Variants in SATB1 observed in about 807,000 individuals in gnomAD.
SATB1 encodes the protein SATB homeobox 1, also known as DNA-binding protein SATB1.
A neutral mutation model predicts 86.9 loss-of-function variants in SATB1; 11 were observed. The ratio of observed to expected loss-of-function variants is 0.13; its 90% CI spans 0.08 to 0.21. SATB1 has a LOEUF of 0.21. Among genes scored for constraint, SATB1 ranks in the 10% least tolerant of loss-of-function variants. The pLI is 1.00. For synonymous variants in SATB1, 357 were observed against 357.2 expected (o/e 1.00, Z 0.01); for missense variants, 551 against 937.6 (o/e 0.59, Z 5.39).
At position 18,352,422 on chromosome 3, in the gene SATB1, A is replaced by G; in HGVS notation, c.1576-227T>C. ...TTCAGATTTGCATCTCAAAGGAGGG[A>G]CATATTTTTTCAGACTCTGAGGGTA... On this transcript the variant is annotated intron_variant, in intron 9 of 10. Transcript: ENST00000338745. The surrounding 1 kb of genome is among the most constrained non-coding windows in gnomAD (Gnocchi z 4.1). 1 of 505,206 alleles carries G rather than the reference A, an allele frequency of 2.0e-6. No homozygotes were observed. Among genetic ancestry groups the G allele is most frequent in the South Asian group, 2.5e-5 (1 of 39,520 alleles). The allele number at this position is 505,206 out of a possible 1,614,324, so 31.3% of individuals were successfully genotyped here.
intron 8 of SATB1, among the ~76,000 whole-genome samples, chr3:18,380,912 T>C (rs1696021982): frequency 1.3e-5 from 2 of 152,228 alleles, no homozygotes; most frequent in African/African-American, 4.8e-5. Context: ...TTTAATATTA[T>C]ATCACACATT....
In SATB1 at chr3:18,352,056, T is replaced by C; in HGVS notation, c.1715A>G (p.Asn572Ser). 6.2e-7 allele frequency: 1 copy of C among 1,614,220 alleles called. No individual in the cohort carries two copies. Among genetic ancestry groups the C allele is most frequent in the East Asian group, 2.2e-5 (1 of 44,878 alleles). Residue 572 changes from asparagine to serine, a missense_variant, in exon 10 of 11, where the codon AAC (asparagine) becomes AGC (serine). Physicochemically the swap from Asn to Ser is conservative, Grantham distance 46. Coordinates refer to ENST00000338745, the MANE Select transcript of SATB1 (RefSeq NM_002971.6). This position sits in a 1 kb window ranked among gnomAD's most constrained non-coding sequence, Gnocchi z 4.1. ...CCTGTCGCCATGGTGATGCACCGCG[T>C]TGCTCTCCTGTTCATAAATGGCATC... is the stretch of plus-strand genomic sequence containing the variant. ...ERDAIYEQES[N>S]AVHHHGDRPP...
At position 18,365,429 on chromosome 3, in the gene SATB1, C is replaced by T. The variant is rs995273988; in HGVS notation, c.1575+12741G>A. Among the ~76,000 whole-genome samples the T allele has an allele frequency of 3.4e-5, 5 of 146,622 alleles. No individual in the cohort carries two copies. The South Asian group carries it at 1.1e-3, about 34-fold the overall frequency. On this transcript the variant is annotated intron_variant, in intron 9 of 10. Transcript: ENST00000338745. ...GGCAGGATACAGAATGGAAGAGTGG[C>T]ACAAGCATTGGATGTGCGGGTGGGT...
At chr3:18,395,640 T>C (rs911418068) in intron 6 of SATB1, among the ~76,000 whole-genome samples, 7 of 152,318 alleles carry the variant, frequency 4.6e-5, no homozygotes, top group East Asian at 1.9e-4. Flanking sequence ...GCATACCCAG[T>C]GTTGCTAAGA....
rs1408541379 is a variant in SATB1 at position 18,346,577 on chromosome 3, C to CG, written c.*2592_*2593insC. On this transcript the variant is annotated 3_prime_UTR_variant, in exon 11 of 11. Coordinates refer to ENST00000338745, the MANE Select transcript of SATB1 (RefSeq NM_002971.6). ...CATCCTATCAGTTTATTAACATGTG[C>CG]TTGTGTGTGTGTGTGTGTGTGTGTG... 8 of 91,542 alleles carry CG rather than the reference C, an allele frequency of 8.7e-5. No homozygotes were observed. The highest frequency in any genetic ancestry group is 2.9e-4 in the African/African-American group (8 of 27,434). 5.7% of individuals were successfully genotyped at this position (91,542 alleles called of 1,614,324 possible). A position where few individuals can be genotyped will look rare whatever the true frequency, so the allele number is the denominator to read the frequency against.
At chr3:18,383,623 A>T (rs1453366297) in intron 8 of SATB1, among the ~76,000 whole-genome samples, 1 of 152,206 alleles carries the variant, frequency 6.6e-6, no homozygotes, top group Non-Finnish European at 1.5e-5. Flanking sequence ...TGTAAAATTT[A>T]AAAAGACAAA....
chr3:18,363,544 A>G (rs1695026251), intron 9 of SATB1, among the ~76,000 whole-genome samples: 3 of 152,170 alleles, frequency 2.0e-5, no homozygotes, highest in African/African-American at 7.2e-5. Context: ...AGCTCAGAGA[A>G]GGCTCCAGGG....
Position 18,386,318 on chromosome 3 carries a change from T to C in SATB1, c.1419+81A>G, listed in dbSNP as rs574736104. ...ACATATAAATCTATGTATCTATCTATCTAATTTCTTATTGAGATTCTTCCT... is the reference window on the plus strand; with the variant it reads ...ACATATAAATCTATGTATCTATCTACCTAATTTCTTATTGAGATTCTTCCT... On this transcript the variant is annotated intron_variant, in intron 8 of 10. Coordinates refer to ENST00000338745, the MANE Select transcript of SATB1 (RefSeq NM_002971.6). This position sits in a 1 kb window ranked among gnomAD's most constrained non-coding sequence, Gnocchi z 4.5. 288 of 1,056,200 alleles carry C rather than the reference T, an allele frequency of 2.7e-4. 1 individual carries two copies. Among genetic ancestry groups the C allele is most frequent in the Middle Eastern group, 1.9e-3 (6 of 3,192 alleles). The allele number at this position is 1,056,200 out of a possible 1,614,324, so 65.4% of individuals were successfully genotyped here.
chr3:18,439,011 A>G (rs1041784497), upstream of SATB1, among the ~76,000 whole-genome samples: 5 of 152,190 alleles, frequency 3.3e-5, no homozygotes, highest in African/African-American at 1.2e-4. Context: ...GAGGAGTGTA[A>G]TAAAATATTG....
At position 18,385,738 on chromosome 3, in the gene SATB1, G is replaced by T. The variant is rs560390484; in HGVS notation, c.1419+661C>A. On this transcript the variant is annotated intron_variant, in intron 8 of 10. Coordinates refer to ENST00000338745, the MANE Select transcript of SATB1 (RefSeq NM_002971.6). ...CAAATTGATTTACTGAATTATAACA[G>T]TTATGAGGTTACTTTTAAAACTTAG... 3.3e-5 allele frequency among the ~76,000 whole-genome samples: 5 copies of T among 152,120 alleles called. No individual in the cohort carries two copies. In the South Asian group the frequency reaches 8.3e-4, roughly 25 times the overall value.
At chr3:18,357,160 T>C (rs1292077210) in intron 9 of SATB1, among the ~76,000 whole-genome samples, 1 of 151,804 alleles carries the variant, frequency 6.6e-6, no homozygotes, top group Non-Finnish European at 1.5e-5. Context: ...CCCTCATCTT[T>C]TATGTGTTAT....
intron 1 of SATB1, among the ~76,000 whole-genome samples, chr3:18,422,068 G>C (rs1047408807): frequency 6.6e-6 from 1 of 152,098 alleles, no homozygotes; most frequent in Non-Finnish European, 1.5e-5. Flanking sequence ...GTTTTAATTA[G>C]AATTGATAAG....
chr3:18,396,427 C>T (rs187323552), intron 6 of SATB1, among the ~76,000 whole-genome samples: 1 of 152,206 alleles, frequency 6.6e-6, no homozygotes, highest in African/African-American at 2.4e-5. Flanking sequence ...AAAATTAAAA[C>T]ATTAACCTTA....
chr3:18,430,970 G>A (rs1159727276), intron 2 of SATB1, among the ~76,000 whole-genome samples: 1 of 152,192 alleles, frequency 6.6e-6, no homozygotes, highest in Non-Finnish European at 1.5e-5. Context: ...AAACCGACAG[G>A]ATATCTGGGC....
At chr3:18,392,140 A>G (rs956643159) in intron 7 of SATB1, among the ~76,000 whole-genome samples, 2 of 152,184 alleles carry the variant, frequency 1.3e-5, no homozygotes, top group Non-Finnish European at 2.9e-5. Context: ...GCTATTATTA[A>G]TAAGGAGGTA....
rs1426921083 is a variant in SATB1, at chr3:18,349,093, TGA to T, written c.*75_*76del. On this transcript the variant is annotated 3_prime_UTR_variant, in exon 11 of 11. Coordinates refer to ENST00000338745, the MANE Select transcript of SATB1 (RefSeq NM_002971.6). This position sits in a 1 kb window ranked among gnomAD's most constrained non-coding sequence, Gnocchi z 5.5. Reference sequence around the variant, plus strand: ...CAAACAATGAACAACAAAGGTTTTCTGAGAGAAGACAAGGTGGACTTTTCATT... The same window carrying T: ...CAAACAATGAACAACAAAGGTTTTCTGAGAAGACAAGGTGGACTTTTCATT... The T allele has an allele frequency of 6.5e-7, 1 of 1,536,946 alleles. No individual in the cohort carries two copies. Among genetic ancestry groups the T allele is most frequent in the East Asian group, 2.2e-5 (1 of 44,446 alleles).
intron 5 of SATB1, among the ~76,000 whole-genome samples, chr3:18,411,706 A>G (rs1056039318): frequency 1.3e-5 from 2 of 152,054 alleles, no homozygotes; most frequent in African/African-American, 2.4e-5. Context: ...GAAAAAAACA[A>G]AAGTAACAAC....
At chr3:18,438,021 C>T (rs1699122047) in intron 1 of SATB1, among the ~76,000 whole-genome samples, 1 of 152,112 alleles carries the variant, frequency 6.6e-6, no homozygotes, top group African/African-American at 2.4e-5. Context: ...TATCAAACAG[C>T]TAATTATGGA....
intron 9 of SATB1, among the ~76,000 whole-genome samples, chr3:18,376,379 T>C (rs1695756287): frequency 6.6e-6 from 1 of 152,080 alleles, no homozygotes; most frequent in Non-Finnish European, 1.5e-5. Context: ...TTTACTATAA[T>C]ACATGTCCAG....
Sources: allele counts gnomAD v4.1 joint callset (sites outside exome capture counted in the v4.1 genomes callset), GRCh38; gene constraint gnomAD v4.1.1; non-coding constraint Gnocchi (gnomAD v3.1); transcripts MANE v1.5; gene names NCBI Gene and HGNC (gene_info 2026-07-23, HGNC 2026-07-21).